The following CLIP4 variants were observed in gnomAD, a reference collection of about 807,000 sequenced individuals.
The protein encoded by CLIP4 is CAP-Gly domain containing linker protein family member 4, also known as CAP-Gly domain-containing linker protein 4.
CLIP4 carries 47 observed loss-of-function variants against 73.1 expected under a neutral mutation model. That is an observed-to-expected ratio of 0.64 (90% CI 0.51 to 0.82). CLIP4 has a LOEUF of 0.82. CLIP4 is among the 40% of genes least tolerant of loss of function. The pLI is 0.00. For synonymous variants in CLIP4, 306 were observed against 295.4 expected (o/e 1.04, Z -0.37); for missense variants, 874 against 852.9 (o/e 1.02, Z -0.31).
chr2:29,177,646 A>G (rs553283159), intron 15 of CLIP4, among the ~76,000 whole-genome samples: 7 of 152,170 alleles, frequency 4.6e-5, no homozygotes, highest in East Asian at 1.9e-4. Context: ...CTGTGTGCCT[A>G]TCTTTCAAGC....
chr2:29,125,465 C>A (rs1408411488), intron 2 of CLIP4, among the ~76,000 whole-genome samples: 3 of 152,098 alleles, frequency 2.0e-5, no homozygotes, highest in Non-Finnish European at 4.4e-5. Context: ...GACCTCTGGC[C>A]GCCTCAAGTT....
At chr2:29,166,140 C>G (rs181478279) in intron 13 of CLIP4, among the ~76,000 whole-genome samples, 1 of 152,118 alleles carries the variant, frequency 6.6e-6, no homozygotes, top group Non-Finnish European at 1.5e-5. Flanking sequence ...AGACATGGTC[C>G]CTGATTTTGA....
Position 29,155,239 on chromosome 2 carries a change from A to G in CLIP4, c.1166-1115A>G, listed in dbSNP as rs550653100. On this transcript the variant is annotated intron_variant, in intron 9 of 15. Transcript: ENST00000320081. ...CTTGAGTCCAGGAGTTTAGGCTGCA[A>G]TGGGCTATGATTGTGCCACTGCACT... is the stretch of plus-strand genomic sequence containing the variant. 4.0e-4 allele frequency among the ~76,000 whole-genome samples: 61 copies of G among 152,314 alleles called. 1 individual carries two copies. The highest frequency in any genetic ancestry group is 2.8e-4 in the Non-Finnish European group (19 of 68,028).
At chr2:29,149,380 T>A (rs1043640473) in intron 8 of CLIP4, among the ~76,000 whole-genome samples, 26 of 151,824 alleles carry the variant, frequency 1.7e-4, no homozygotes, top group African/African-American at 6.3e-4. Flanking sequence ...TTCCTCCTTC[T>A]TGGAAGCGTT....
rs775848029 is a variant in CLIP4 at position 29,099,168 on chromosome 2, CAGG to C, written c.-16+1223_-16+1225del. 7.3e-3 allele frequency among the ~76,000 whole-genome samples: 1,107 copies of C among 152,232 alleles called. 7 individuals are homozygous for C. The highest frequency in any genetic ancestry group is 0.011 in the Non-Finnish European group (748 of 68,012). ...GTGGCTTGTCTTTTCATTGTCTTAA[CAGG>C]ATTTTTCACAGAACAGAATTGAAAA... On this transcript the variant is annotated intron_variant, in intron 1 of 14. Coordinates refer to the CLIP4 transcript ENST00000401605.
At chr2:29,168,154 T>C (rs1351337020) in intron 14 of CLIP4, among the ~76,000 whole-genome samples, 1 of 152,192 alleles carries the variant, frequency 6.6e-6, no homozygotes, top group Admixed American at 6.5e-5. Flanking sequence ...GATTTAGAAG[T>C]CTTTGCCTAT....
chr2:29,134,866 G>A (rs1007548061), intron 5 of CLIP4, among the ~76,000 whole-genome samples: 5 of 152,094 alleles, frequency 3.3e-5, no homozygotes, highest in Non-Finnish European at 7.4e-5. Flanking sequence ...CATTTGTTCA[G>A]TAGAGTATTA....
At position 29,157,258 on chromosome 2, in the gene CLIP4, G is replaced by A. The variant is rs1666985719; in HGVS notation, c.1310G>A (p.Arg437Lys). Residue 437 changes from arginine (R) to lysine (K), a missense_variant, in exon 11 of 16, where the codon AGA (arginine) becomes AAA (lysine). Arg to Lys is a conservative substitution (Grantham distance 26). Transcript: ENST00000320081. ...TCCTCTACATCTTCTTTGGAACACA[G>A]ACAGAGCTACCCCAAGAAACAGAAT... is the stretch of plus-strand genomic sequence containing the variant. ...SCSSTSSLEH[R>K]QSYPKKQNAI... 5.6e-6 allele frequency: 9 copies of A among 1,614,066 alleles called. No individual in the cohort carries two copies. Among genetic ancestry groups the A allele is most frequent in the Non-Finnish European group, 6.8e-6 (8 of 1,179,976 alleles).
At chr2:29,099,464 CT>C (rs1233823307) in intron 1 of CLIP4, among the ~76,000 whole-genome samples, 1 of 152,128 alleles carries the variant, frequency 6.6e-6, no homozygotes, top group Non-Finnish European at 1.5e-5. Flanking sequence ...AAAGACTATC[CT>C]TTTTTTCCAT....
chr2:29,098,863 C>G lies in CLIP4; in HGVS notation c.-16+916C>G, dbSNP rs1251209296. Reference sequence around the variant, plus strand: ...AAAGTTCCTGTGTTCCACATCCTCACCAGCATTTGGTGGTGTTGCTGTTTA... The same window carrying G: ...AAAGTTCCTGTGTTCCACATCCTCAGCAGCATTTGGTGGTGTTGCTGTTTA... On this transcript the variant is annotated intron_variant, in intron 1 of 14. Transcript: ENST00000401605. Among the ~76,000 whole-genome samples, 4 of 152,214 alleles carry G rather than the reference C, an allele frequency of 2.6e-5. No individual in the cohort carries two copies. The East Asian group carries it at 7.7e-4, about 29-fold the overall frequency.
rs1476500457 is a variant in CLIP4, at chr2:29,152,673, A to G, written c.1022-12A>G. 1 of 1,610,288 alleles carries G rather than the reference A, an allele frequency of 6.2e-7. No individual in the cohort carries two copies. Among genetic ancestry groups the G allele is most frequent in the Non-Finnish European group, 8.5e-7 (1 of 1,178,490 alleles). ...TAATTGTTTAACACTAAAATTCTGCATTCTCCCTTAGGTATTTTTGCACCT... is the reference window on the plus strand; with the variant it reads ...TAATTGTTTAACACTAAAATTCTGCGTTCTCCCTTAGGTATTTTTGCACCT... On this transcript the variant is annotated splice_polypyrimidine_tract_variant and intron_variant, in intron 8 of 15. Transcript: ENST00000320081.
chr2:29,173,175 C>T (rs1668120999), intron 14 of CLIP4, among the ~76,000 whole-genome samples: 1 of 152,144 alleles, frequency 6.6e-6, no homozygotes, highest in Non-Finnish European at 1.5e-5. Context: ...TGCCAGTTGC[C>T]TGGAGGCATT....
intron 15 of CLIP4, among the ~76,000 whole-genome samples, chr2:29,179,725 G>GGGGA (rs1299721178): frequency 1.1e-4 from 17 of 152,164 alleles, no homozygotes; most frequent in Non-Finnish European, 2.9e-5. Context: ...ACATCCATTT[G>GGGGA]GGGAGAATTA....
intron 1 of CLIP4, among the ~76,000 whole-genome samples, chr2:29,108,014 T>G (rs1275086018): frequency 6.6e-6 from 1 of 152,094 alleles, no homozygotes; most frequent in Non-Finnish European, 1.5e-5. Context: ...TTTAAAGCTT[T>G]CTATTATGGA....
chr2:29,169,099 G>A (rs1248175504), intron 14 of CLIP4, among the ~76,000 whole-genome samples: 1 of 151,944 alleles, frequency 6.6e-6, no homozygotes, highest in African/African-American at 2.4e-5. Context: ...ATTCCCTAGT[G>A]TTTTAATTTG....
At position 29,176,557 on chromosome 2, in the gene CLIP4, C is replaced by T. The variant is rs924426642; in HGVS notation, c.1796+2112C>T. Reference sequence around the variant, plus strand: ...AATGGTAGTGAGGAATGCGTTTCATCCCGAGGAAGACATGGCAGAAAGGGG... The same window carrying T: ...AATGGTAGTGAGGAATGCGTTTCATTCCGAGGAAGACATGGCAGAAAGGGG... On this transcript the variant is annotated intron_variant, in intron 15 of 15. Transcript: ENST00000320081. 3.3e-5 allele frequency among the ~76,000 whole-genome samples: 5 copies of T among 152,108 alleles called. No homozygotes were observed. The South Asian group carries it at 6.2e-4, about 19-fold the overall frequency.
rs753463777 is a variant in CLIP4, at chr2:29,133,721, G to C, written c.434G>C (p.Arg145Pro). 6.2e-7 allele frequency: 1 copy of C among 1,613,724 alleles called. No individual in the cohort carries two copies. The highest frequency in any genetic ancestry group is 8.5e-7 in the Non-Finnish European group (1 of 1,179,856). ...GACCTGGGAGCAGACATTAGTTTGCGGAGTCGCTGGACAAACATGAATGCT... is the reference window on the plus strand; with the variant it reads ...GACCTGGGAGCAGACATTAGTTTGCCGAGTCGCTGGACAAACATGAATGCT... Reference protein sequence around the residue: ...LIDLGADISLRSRWTNMNALH... With the variant: ...LIDLGADISLPSRWTNMNALH... The change falls in exon 5 of 16, where the codon CGG (arginine) becomes CCG (proline). Residue 145 changes from arginine (R) to proline (P), a missense_variant. Arg to Pro is a moderately radical substitution (Grantham distance 103, BLOSUM62 -2). Coordinates refer to ENST00000320081, the MANE Select transcript of CLIP4 (RefSeq NM_024692.6).
chr2:29,181,494 C>A, intron 15 of CLIP4, 78 bp from the exon 16 acceptor site: 1 of 1,129,480 alleles, frequency 8.9e-7, no homozygotes, highest in Non-Finnish European at 1.3e-6. Flanking sequence ...CTGAATCTGG[C>A]AGTGGAAATG....
At chr2:29,121,323 A>G (rs897931358) in intron 1 of CLIP4, 51 bp from the exon 2 acceptor site, 3 of 1,505,064 alleles carry the variant, frequency 2.0e-6, no homozygotes, top group Non-Finnish European at 2.7e-6. Flanking sequence ...CAGTCATTCT[A>G]AGTTGCATAC....
Sources: allele counts gnomAD v4.1 joint callset (sites outside exome capture counted in the v4.1 genomes callset), GRCh38; gene constraint gnomAD v4.1.1; transcripts MANE v1.5; gene names NCBI Gene and HGNC (gene_info 2026-07-23, HGNC 2026-07-21).